The following ZNF726 variants were observed in gnomAD, a reference collection of about 807,000 sequenced individuals.
ZNF726 encodes the protein zinc finger protein 92 pseudogene 3.
Under a neutral mutation model 11.6 loss-of-function variants are expected in ZNF726, and 15 were observed. The observed-to-expected ratio is 1.29, with a 90% CI of 0.86 to 1.99. The LOEUF is 1.99. ZNF726 is among the 30% of genes most tolerant of loss of function. The pLI, the probability that ZNF726 is intolerant of heterozygous loss-of-function variation, is 0.00. For synonymous variants in ZNF726, 295 were observed against 243.6 expected, an observed-to-expected ratio of 1.21 and a Z score of -1.96; for missense variants, 890 against 725.6, an observed-to-expected ratio of 1.23 and a Z score of -2.60.
intron 3 of ZNF726, among the ~76,000 whole-genome samples, chr19:23,926,151 TG>T (rs1218093878): frequency 1.1e-4 from 17 of 152,152 alleles, no homozygotes; most frequent in African/African-American, 3.9e-4. Flanking sequence ...TGAAGTGTAG[TG>T]TAGTTAAATT....
At chr19:23,916,142 T>G (rs1428143484) in intron 1 of ZNF726, among the ~76,000 whole-genome samples, 1 of 152,124 alleles carries the variant, frequency 6.6e-6, no homozygotes, top group African/African-American at 2.4e-5. Context: ...TTTTCACAAG[T>G]GTCCCAAGCA....
Position 23,933,067 on chromosome 19 carries a change from A to C in ZNF726, c.951A>C (p.Glu317Asp), listed in dbSNP as rs1290256418. The C allele has an allele frequency of 6.2e-7, 1 of 1,613,838 alleles. No homozygotes were observed. The highest frequency in any genetic ancestry group is 1.1e-5 in the South Asian group (1 of 91,082). The part of the protein sequence containing the change: ...HIGEKPYKCE[E>D]CGKAFVWSST... ...GAGAGAAACCCTACAAATGTGAAGAATGTGGCAAAGCATTTGTTTGGTCCT... is the reference window on the plus strand; with the variant it reads ...GAGAGAAACCCTACAAATGTGAAGACTGTGGCAAAGCATTTGTTTGGTCCT... Residue 317 changes from glutamate to aspartate, a missense_variant, in exon 4 of 4, where the codon GAA (glutamate) becomes GAC (aspartate). Transcript: ENST00000594466.
intron 3 of ZNF726, chr19:23,923,289 A>G (rs1341924868): frequency 3.1e-5 from 10 of 322,186 alleles, no homozygotes; most frequent in Non-Finnish European, 5.9e-5. Flanking sequence ...TTTAAAACAT[A>G]AAAATTGGCA....
In ZNF726 at chr19:23,920,011, T is replaced by G; in HGVS notation, c.155T>G (p.Leu52Arg). 6.3e-7 allele frequency: 1 copy of G among 1,585,944 alleles called. No individual in the cohort carries two copies. Among genetic ancestry groups the G allele is most frequent in the Non-Finnish European group, 8.6e-7 (1 of 1,163,710 alleles). ...GGTATTGCTGTCTCTAAGCCAGACC[T>G]CATCATCTGTCTGGAGAAAGAAAAA... ...FLGIAVSKPD[L>R]IICLEKEKEP... Residue 52 changes from leucine to arginine, a missense_variant, in exon 3 of 4, where the codon CTC becomes CGC. By Grantham distance (102) the Leu-to-Arg change is moderately radical. Coordinates refer to ENST00000594466, the MANE Select transcript of ZNF726 (RefSeq NM_001244038.2).
At chr19:23,930,139 C>T (rs1415617683) in intron 3 of ZNF726, among the ~76,000 whole-genome samples, 1 of 152,176 alleles carries the variant, frequency 6.6e-6, no homozygotes, top group Non-Finnish European at 1.5e-5. Flanking sequence ...TGGTGATGAA[C>T]ACCCTTACCT....
At chr19:23,921,934 G>A (rs936642612) in intron 3 of ZNF726, among the ~76,000 whole-genome samples, 3 of 152,200 alleles carry the variant, frequency 2.0e-5, no homozygotes, top group African/African-American at 4.8e-5. Flanking sequence ...AGAGACAATA[G>A]TATTGCGTTG....
At chr19:23,925,993 G>A (rs758585311) in intron 3 of ZNF726, among the ~76,000 whole-genome samples, 2 of 151,978 alleles carry the variant, frequency 1.3e-5, no homozygotes, top group African/African-American at 2.4e-5. Flanking sequence ...GCAATTACAG[G>A]TGTGAGCCAC....
chr19:23,922,710 C>G (rs1967882396), intron 3 of ZNF726, among the ~76,000 whole-genome samples: 1 of 152,156 alleles, frequency 6.6e-6, no homozygotes, highest in South Asian at 2.1e-4. Context: ...GATCTCAGAG[C>G]TCTCTTAAAG....
In ZNF726 at chr19:23,929,957, T is replaced by A. The variant is rs140677169; in HGVS notation, c.227-2386T>A. ...AGTAGTATTTTTAAACAAAATGGACTTATTATAGCAGTTCTTACTATATGT... is the reference window on the plus strand; with the variant it reads ...AGTAGTATTTTTAAACAAAATGGACATATTATAGCAGTTCTTACTATATGT... On this transcript the variant is annotated intron_variant, in intron 3 of 3. Coordinates refer to ENST00000594466, the MANE Select transcript of ZNF726 (RefSeq NM_001244038.2). Among the ~76,000 whole-genome samples, 44 of 152,290 alleles carry A rather than the reference T, an allele frequency of 2.9e-4. No homozygotes were observed. The East Asian group carries it at 8.1e-3, about 28-fold the overall frequency.
downstream of ZNF726, among the ~76,000 whole-genome samples, chr19:23,937,958 T>G (rs1456458308): frequency 6.6e-6 from 1 of 152,246 alleles, no homozygotes; most frequent in East Asian, 1.9e-4. Context: ...TGTGTGAACT[T>G]AACTTTTCAA....
chr19:23,919,968 A>G lies in ZNF726; in HGVS notation c.131-19A>G. 2.6e-6 allele frequency: 4 copies of G among 1,527,076 alleles called. No individual in the cohort carries two copies. The highest frequency in any genetic ancestry group is 3.6e-6 in the Non-Finnish European group (4 of 1,120,922). The allele number at this position is 1,527,076 out of a possible 1,614,324, so 94.6% of individuals were successfully genotyped here. ...GAGAATATGAGCAAGATTCATGTTA[A>G]TTATTTTTAATAAAACAGGTATTGC... On this transcript the variant is annotated intron_variant, in intron 2 of 3. Coordinates refer to ENST00000594466, the MANE Select transcript of ZNF726 (RefSeq NM_001244038.2).
chr19:23,926,124 T>C (rs1967980836), intron 3 of ZNF726, among the ~76,000 whole-genome samples: 1 of 152,224 alleles, frequency 6.6e-6, no homozygotes, highest in Admixed American at 6.5e-5. Flanking sequence ...TTTAAATATT[T>C]ATATGTGCAG....
chr19:23,932,344 T>A lies in ZNF726; in HGVS notation c.228T>A (p.Gly76=), dbSNP rs749226368. 7.2e-7 allele frequency: 1 copy of A among 1,397,240 alleles called. No homozygotes were observed. The highest frequency in any genetic ancestry group is 9.3e-7 in the Non-Finnish European group (1 of 1,074,534). 86.6% of individuals were successfully genotyped at this position (1,397,240 alleles called of 1,614,324 possible). A position where few individuals can be genotyped will look rare whatever the true frequency, so the allele number is the denominator to read the frequency against. The change falls in exon 4 of 4, where the codon GGT becomes GGA. Residue 76 remains glycine (G), a splice_region_variant and synonymous_variant. Transcript: ENST00000594466. ...KRDEMVDEPP[G]ICPHFAQDIW... ...TAAATTATTTTAATTTTTTTTTAGG[T>A]ATATGTCCTCATTTTGCTCAAGACA...
intron 3 of ZNF726, among the ~76,000 whole-genome samples, chr19:23,930,965 T>C (rs1968090752): frequency 6.6e-6 from 1 of 152,120 alleles, no homozygotes; most frequent in Admixed American, 6.6e-5. Context: ...CAGCTACCAA[T>C]TTTTCCTTCT....
rs1037066241 is a variant in ZNF726 at position 23,920,018 on chromosome 19, C to T, written c.162C>T (p.Ile54=). Residue 54 remains isoleucine, a synonymous_variant, in exon 3 of 4, where the codon ATC becomes ATT. Transcript: ENST00000594466. ...CTGTCTCTAAGCCAGACCTCATCATCTGTCTGGAGAAAGAAAAAGAGCCCT... is the reference window on the plus strand; with the variant it reads ...CTGTCTCTAAGCCAGACCTCATCATTTGTCTGGAGAAAGAAAAAGAGCCCT... The part of the protein sequence containing the change: ...GIAVSKPDLI[I]CLEKEKEPWN... 8 of 1,587,834 alleles carry T rather than the reference C, an allele frequency of 5.0e-6. No homozygotes were observed. The Admixed American group carries it at 8.5e-5, about 17-fold the overall frequency.
At position 23,915,026 on chromosome 19, in the gene ZNF726, AG is replaced by A. The variant is rs1967661898; in HGVS notation, c.3+30del. 12 of 1,613,704 alleles carry A rather than the reference AG, an allele frequency of 7.4e-6. No homozygotes were observed. The African/African-American group carries it at 9.3e-5, about 13-fold the overall frequency. On this transcript the variant is annotated intron_variant, in intron 1 of 3. Coordinates refer to ENST00000594466, the MANE Select transcript of ZNF726 (RefSeq NM_001244038.2). ...AGAGTGCCGGGTGCGACATCCCAAG[AG>A]AGGGAACGGGGCTGGCTGGAACCGG...
At chr19:23,924,045 CTT>C (rs35051692) in intron 3 of ZNF726, among the ~76,000 whole-genome samples, 2,178 of 145,124 alleles carry the variant, frequency 0.015, 24 homozygotes, top group African/African-American at 0.017. Flanking sequence ...TTTCTTAGCT[CTT>C]TTTTTTTTTT....
chr19:23,942,392 T>C (rs1455102177), intron 3 of ZNF726, among the ~76,000 whole-genome samples: 1 of 152,184 alleles, frequency 6.6e-6, no homozygotes, highest in East Asian at 1.9e-4. Context: ...ATGATCTATC[T>C]TGGAAAAAGT....
At chr19:23,937,469 G>A (rs1403865183), downstream of ZNF726, among the ~76,000 whole-genome samples, 3 of 151,382 alleles carry the variant, frequency 2.0e-5, no homozygotes, top group Admixed American at 6.6e-5. Flanking sequence ...CTTCTCAGAC[G>A]GGGCGGCCGG....
Sources: gnomAD v4.1 joint callset for allele counts (sites outside exome capture counted in the v4.1 genomes callset) on GRCh38, gnomAD v4.1.1 for gene constraint, MANE v1.5 for transcripts, NCBI Gene and HGNC (gene_info 2026-07-23, HGNC 2026-07-21) for gene names.